Variants in RUVBL2 observed in about 807,000 individuals in gnomAD.
RUVBL2 encodes ruvB-like 2.
Under a neutral mutation model 57.9 loss-of-function variants are expected in RUVBL2, and 9 were observed. The observed-to-expected ratio is 0.16, with a 90% CI of 0.09 to 0.27. The LOEUF is 0.27. Ranked by LOEUF, RUVBL2 falls within the 10% of genes least tolerant of loss-of-function variation. The pLI is 1.00. For missense variants in RUVBL2, 456 were observed against 669.6 expected (o/e 0.68, Z 3.52); for synonymous variants, 278 against 264.6 (o/e 1.05, Z -0.49).
intron 1 of RUVBL2, 151 bp downstream of exon 1, chr19:48,994,074 C>T (rs1021711804): frequency 3.5e-6 from 2 of 575,586 alleles, no homozygotes; most frequent in South Asian, 5.1e-5. Flanking sequence ...CTCGGCCACC[C>T]AGATCTGGGG....
At position 49,015,799 on chromosome 19, in the gene RUVBL2, CCTT is replaced by C. The variant is rs780310489; in HGVS notation, c.1367-16_1367-14del. 9.3e-6 allele frequency: 15 copies of C among 1,614,028 alleles called. No homozygotes were observed. Among genetic ancestry groups the C allele is most frequent in the Admixed American group, 3.3e-5 (2 of 60,014 alleles). On this transcript the variant is annotated splice_polypyrimidine_tract_variant and intron_variant, in intron 14 of 14. Coordinates refer to ENST00000595090, the MANE Select transcript of RUVBL2 (RefSeq NM_006666.3). ...CACCTGGGCGACACTGACCATGTGG[CCTT>C]CCTTCTCCCCACAGAAGGCGAGACC... is the stretch of plus-strand genomic sequence containing the variant.
chr19:49,005,992 C>T (rs1453249570), intron 4 of RUVBL2, among the ~76,000 whole-genome samples: 1 of 152,248 alleles, frequency 6.6e-6, no homozygotes, highest in East Asian at 1.9e-4. Flanking sequence ...TCTTGTGTCT[C>T]CCGCAGGCCT....
Position 49,011,319 on chromosome 19 carries a change from G to A in RUVBL2, c.1001+9G>A, listed in dbSNP as rs1250651462. 1.9e-6 allele frequency: 3 copies of A among 1,606,592 alleles called. No homozygotes were observed. The highest frequency in any genetic ancestry group is 3.3e-5 in the Admixed American group (2 of 60,010). ...AACCGTGGCATCACGCGGTGAGCCG[G>A]CTACAGGGGCCTCTGGGGAAAACAG... On this transcript the variant is annotated intron_variant, in intron 11 of 14. Coordinates refer to ENST00000595090, the MANE Select transcript of RUVBL2 (RefSeq NM_006666.3). The surrounding 1 kb of genome is among the most constrained non-coding windows in gnomAD (Gnocchi z 4.4).
intron 2 of RUVBL2, 121 bp from the exon 3 acceptor site, chr19:49,003,157 AC>A: frequency 1.2e-6 from 1 of 811,186 alleles, no homozygotes; most frequent in Admixed American, 1.8e-5. Flanking sequence ...CATTCCCCCA[AC>A]CCCTGCTCCC....
rs756541029 is a variant in RUVBL2 at position 49,015,731 on chromosome 19, GA to G, written c.1366+46del. On this transcript the variant is annotated intron_variant, in intron 14 of 14. Transcript: ENST00000595090. ...ACCTGCACTGCCAGAGCCAACCTCA[GA>G]GGGAGGAAGAGGGAGCTCGGCGTAG... The G allele has an allele frequency of 3.1e-6, 5 of 1,610,540 alleles. No homozygotes were observed. In the Admixed American group the frequency reaches 6.7e-5, roughly 21 times the overall value.
intron 6 of RUVBL2, among the ~76,000 whole-genome samples, chr19:49,008,572 G>A (rs1282997086): frequency 2.0e-5 from 3 of 151,310 alleles, no homozygotes; most frequent in Admixed American, 6.6e-5. Context: ...TTGGCCAGGC[G>A]CAGTGGCTCA....
Position 49,015,590 on chromosome 19 carries a change from G to C in RUVBL2, c.1270G>C (p.Asp424His). Residue 424 changes from aspartate to histidine, a missense_variant, in exon 14 of 15, where the codon GAT becomes CAT. Around this residue, in one of 5 missense-constraint regions of RUVBL2, gnomAD observed 67 missense variants for 71.5 expected, o/e 0.94. Transcript: ENST00000595090. ...CCTCCAGGGTACAGAAGTGCAGGTGGATGACATCAAGCGGGTCTACTCACT... is the reference window on the plus strand; with the variant it reads ...CCTCCAGGGTACAGAAGTGCAGGTGCATGACATCAAGCGGGTCTACTCACT... ...RKRKGTEVQV[D>H]DIKRVYSLFL... 1.9e-6 allele frequency: 3 copies of C among 1,614,000 alleles called. No homozygotes were observed. Among genetic ancestry groups the C allele is most frequent in the Non-Finnish European group, 2.5e-6 (3 of 1,179,974 alleles).
At chr19:49,014,665 A>G in intron 12 of RUVBL2, 62 bp downstream of exon 12, 7 of 1,592,780 alleles carry the variant, frequency 4.4e-6, no homozygotes, top group Non-Finnish European at 6.0e-6. Flanking sequence ...TGTTTGACAA[A>G]TGCTGACACT....
intron 4 of RUVBL2, 55 bp downstream of exon 4, chr19:49,004,473 T>A: frequency 6.5e-7 from 1 of 1,545,046 alleles, no homozygotes; most frequent in South Asian, 1.2e-5. Flanking sequence ...TAACTCCTCC[T>A]GTGTAAGTCA....
At position 49,011,167 on chromosome 19, in the gene RUVBL2, ACT is replaced by A. The variant is rs1299223910; in HGVS notation, c.883-21_883-20del. 3 of 1,609,302 alleles carry A rather than the reference ACT, an allele frequency of 1.9e-6. No individual in the cohort carries two copies. Among genetic ancestry groups the A allele is most frequent in the East Asian group, 2.2e-5 (1 of 44,844 alleles). ...CGGGGAAGTGGGGACGCGGGTGGTG[ACT>A]CTCACACACACCCCAATCCAAGGTG... is the stretch of plus-strand genomic sequence containing the variant. On this transcript the variant is annotated intron_variant, in intron 10 of 14. Coordinates refer to ENST00000595090, the MANE Select transcript of RUVBL2 (RefSeq NM_006666.3). This position sits in a 1 kb window ranked among gnomAD's most constrained non-coding sequence, Gnocchi z 4.4.
At chr19:48,993,757 G>A, upstream of RUVBL2, 1 of 952,508 alleles carries the variant, frequency 1.0e-6, no homozygotes, top group East Asian at 2.6e-5. Flanking sequence ...TCGGTGGGAG[G>A]GCGGGGCATA....
At chr19:48,995,803 G>A (rs2039045198) in intron 1 of RUVBL2, among the ~76,000 whole-genome samples, 1 of 151,864 alleles carries the variant, frequency 6.6e-6, no homozygotes. Flanking sequence ...GGCTAATATG[G>A]TGAAACCCCG....
intron 4 of RUVBL2, among the ~76,000 whole-genome samples, chr19:49,006,647 C>T (rs1036142966): frequency 2.0e-5 from 3 of 152,244 alleles, no homozygotes; most frequent in African/African-American, 7.2e-5. Context: ...TTGTAGCTAT[C>T]GTGTGGGCTC....
chr19:49,004,569 T>TGTGTA, intron 4 of RUVBL2, 151 bp downstream of exon 4: 1 of 768,446 alleles, frequency 1.3e-6, no homozygotes, highest in South Asian at 1.8e-5. Flanking sequence ...TGGAAGAATC[T>TGTGTA]AGAGGTAGGC....
chr19:49,012,236 A>C (rs1289745862), intron 11 of RUVBL2, among the ~76,000 whole-genome samples: 2 of 152,098 alleles, frequency 1.3e-5, no homozygotes, highest in Non-Finnish European at 2.9e-5. Flanking sequence ...AGAAGCGGGC[A>C]CCCTACAGAG....
At chr19:48,994,159 G>A (rs1330359485) in intron 1 of RUVBL2, 2 of 593,728 alleles carry the variant, frequency 3.4e-6, no homozygotes, top group African/African-American at 1.9e-5. Flanking sequence ...CTCGGGTCTG[G>A]CCCCATCATG....
At chr19:49,003,651 G>T (rs1338083552) in intron 3 of RUVBL2, among the ~76,000 whole-genome samples, 1 of 151,992 alleles carries the variant, frequency 6.6e-6, no homozygotes, top group Non-Finnish European at 1.5e-5. Flanking sequence ...GGGCATGGTG[G>T]TGCATGCCTG....
At chr19:48,999,467 G>A in intron 2 of RUVBL2, 94 bp downstream of exon 2, 1 of 1,305,740 alleles carries the variant, frequency 7.7e-7, no homozygotes, top group East Asian at 2.3e-5. Flanking sequence ...TGGAGAGGGA[G>A]GTGGCCTGCA....
In RUVBL2 at chr19:49,011,375, G is replaced by C; in HGVS notation, c.1001+65G>C. On this transcript the variant is annotated intron_variant, in intron 11 of 14. Transcript: ENST00000595090. The surrounding 1 kb of genome is among the most constrained non-coding windows in gnomAD (Gnocchi z 4.4). ...TCTGGGCAGTGGGTGTGGTCAGAGG[G>C]TCAATGGGAGCCTGTGTTGACACCG... The C allele has an allele frequency of 7.8e-7, 1 of 1,280,288 alleles. No individual in the cohort carries two copies. Among genetic ancestry groups the C allele is most frequent in the Non-Finnish European group, 1.1e-6 (1 of 883,094 alleles). 79.3% of individuals were successfully genotyped at this position (1,280,288 alleles called of 1,614,324 possible).
Sources: gnomAD v4.1 joint callset for allele counts (sites outside exome capture counted in the v4.1 genomes callset) on GRCh38, gnomAD v4.1.1 for gene constraint, gnomAD v4.1.1 regional missense constraint, Gnocchi (gnomAD v3.1) non-coding constraint, MANE v1.5 for transcripts, NCBI Gene and HGNC (gene_info 2026-07-23, HGNC 2026-07-21) for gene names.